KCNMA1: variants seen among roughly 807,000 people sequenced by gnomAD.
The protein encoded by KCNMA1 is potassium calcium-activated channel subfamily M alpha 1, also known as Calcium-activated potassium channel subunit alpha-1.
In KCNMA1, 29 loss-of-function variants were observed where a neutral mutation model predicts 140.0. The ratio of observed to expected loss-of-function variants is 0.21; its 90% CI spans 0.15 to 0.28. KCNMA1 has a LOEUF of 0.28. Among genes scored for constraint, KCNMA1 ranks in the 10% least tolerant of loss-of-function variants. The pLI is 1.00. For synonymous variants in KCNMA1, 612 were observed against 611.9 expected (o/e 1.00, Z 0.00); for missense variants, 880 against 1,602.2 (o/e 0.55, Z 7.70).
At chr10:76,880,880 G>A (rs1233346669), downstream of KCNMA1, among the ~76,000 whole-genome samples, 1 of 152,170 alleles carries the variant, frequency 6.6e-6, no homozygotes, top group African/African-American at 2.4e-5. Context: ...GATGAGAAGG[G>A]CAATTGATCG....
chr10:77,301,203 G>T (rs780961809), intron 2 of KCNMA1, among the ~76,000 whole-genome samples: 2 of 152,150 alleles, frequency 1.3e-5, no homozygotes, highest in African/African-American at 2.4e-5. Flanking sequence ...CTGAGATAAA[G>T]AAAAAGACCT....
intron 19 of KCNMA1, chr10:76,980,540 C>T (rs1198286890): frequency 6.6e-6 from 1 of 152,190 alleles, no homozygotes; most frequent in Non-Finnish European, 1.5e-5. Context: ...TGCTGATACA[C>T]AGGATTTCAC....
At chr10:77,591,059 C>T (rs2078994468) in intron 1 of KCNMA1, among the ~76,000 whole-genome samples, 1 of 152,190 alleles carries the variant, frequency 6.6e-6, no homozygotes, top group African/African-American at 2.4e-5. Context: ...AAGGCCCAGG[C>T]AGATAAACAC....
At chr10:77,411,250 G>C (rs1397437947) in intron 1 of KCNMA1, among the ~76,000 whole-genome samples, 1 of 152,034 alleles carries the variant, frequency 6.6e-6, no homozygotes, top group East Asian at 1.9e-4. Flanking sequence ...ATCCCTGTGA[G>C]CTCAGAGTAA....
intron 1 of KCNMA1, among the ~76,000 whole-genome samples, chr10:77,445,095 G>A (rs1241772341): frequency 6.6e-6 from 1 of 152,148 alleles, no homozygotes; most frequent in Non-Finnish European, 1.5e-5. Flanking sequence ...CCAACGGCAA[G>A]GACCACCCAG....
intron 1 of KCNMA1, among the ~76,000 whole-genome samples, chr10:77,613,397 C>T: frequency 6.6e-6 from 1 of 152,158 alleles, no homozygotes; most frequent in East Asian, 1.9e-4. Context: ...TTAAAGAACT[C>T]AAAGCTTATC....
At chr10:77,495,320 C>A (rs985043173) in intron 1 of KCNMA1, among the ~76,000 whole-genome samples, 1 of 152,174 alleles carries the variant, frequency 6.6e-6, no homozygotes, top group Non-Finnish European at 1.5e-5. Context: ...TGTGATGGGC[C>A]CCTTGCCGGC....
At chr10:77,437,257 G>A (rs1194465115) in intron 1 of KCNMA1, among the ~76,000 whole-genome samples, 1 of 152,134 alleles carries the variant, frequency 6.6e-6, no homozygotes, top group Non-Finnish European at 1.5e-5. Context: ...AGGTGGGAAA[G>A]GATGGAGGGT....
In KCNMA1 at chr10:77,476,452, G is replaced by A. The variant is rs1185566524; in HGVS notation, c.379-72429C>T. ...TGCAAGCCCAGCATTGGTGCTTCCCGCTCCCTAAGCCCTCTTCCCTCTGCT... is the reference window on the plus strand; with the variant it reads ...TGCAAGCCCAGCATTGGTGCTTCCCACTCCCTAAGCCCTCTTCCCTCTGCT... On this transcript the variant is annotated intron_variant, in intron 1 of 27. Transcript: ENST00000286628. Among the ~76,000 whole-genome samples the A allele has an allele frequency of 2.0e-5, 3 of 151,922 alleles. No individual in the cohort carries two copies. In the East Asian group the frequency reaches 5.8e-4, roughly 29 times the overall value.
At chr10:77,056,117 G>A (rs567105725) in intron 14 of KCNMA1, among the ~76,000 whole-genome samples, 10 of 152,282 alleles carry the variant, frequency 6.6e-5, no homozygotes, top group South Asian at 2.1e-4. Flanking sequence ...GCAGTGCCTC[G>A]TGTCTGTAAT....
chr10:77,382,279 G>A (rs2095417077), intron 2 of KCNMA1, among the ~76,000 whole-genome samples: 1 of 152,150 alleles, frequency 6.6e-6, no homozygotes, highest in African/African-American at 2.4e-5. Context: ...GGTGATCCTT[G>A]TTCAACTCCT....
chr10:77,035,520 G>A (rs2094266227), intron 15 of KCNMA1, among the ~76,000 whole-genome samples: 1 of 152,126 alleles, frequency 6.6e-6, no homozygotes, highest in Non-Finnish European at 1.5e-5. Context: ...GGCATTTGTT[G>A]GCATTTGTAA....
At chr10:77,179,222 C>T (rs2098781570) in intron 5 of KCNMA1, among the ~76,000 whole-genome samples, 1 of 152,204 alleles carries the variant, frequency 6.6e-6, no homozygotes, top group African/African-American at 2.4e-5. Flanking sequence ...AATGCTCATG[C>T]TGAGCGACCC....
Position 76,891,459 on chromosome 10 carries a change from C to T in KCNMA1, c.3342+66G>A, listed in dbSNP as rs1228002041. 25 of 1,268,572 alleles carry T rather than the reference C, an allele frequency of 2.0e-5. No individual in the cohort carries two copies. In the Admixed American group the frequency reaches 3.9e-4, roughly 20 times the overall value. The allele number at this position is 1,268,572 out of a possible 1,614,324, so 78.6% of individuals were successfully genotyped here. ...ATGCCTAGCTTGTCACATCTGATAC[C>T]ACGTTCTTCAGGATCAAGCTTTTCC... On this transcript the variant is annotated intron_variant, in intron 26 of 27. Transcript: ENST00000286628.
intron 18 of KCNMA1, among the ~76,000 whole-genome samples, chr10:77,002,061 C>G (rs1170900999): frequency 3.3e-5 from 5 of 152,268 alleles, no homozygotes; most frequent in African/African-American, 1.2e-4. Flanking sequence ...TTCTAATTTC[C>G]ATCCATTTCT....
intron 26 of KCNMA1, chr10:76,889,808 C>T: frequency 9.0e-6 from 5 of 556,460 alleles, no homozygotes; most frequent in South Asian, 5.9e-5. Context: ...TCCAGTTTTC[C>T]ACCTGTCGCA....
intron 2 of KCNMA1, among the ~76,000 whole-genome samples, chr10:77,270,329 A>C (rs1175040006): frequency 1.3e-5 from 2 of 152,156 alleles, no homozygotes; most frequent in Non-Finnish European, 2.9e-5. Context: ...AAAACCCAAG[A>C]AATAGTGGTG....
chr10:77,228,635 A>G (rs1456424182), intron 3 of KCNMA1, among the ~76,000 whole-genome samples: 1 of 152,228 alleles, frequency 6.6e-6, no homozygotes, highest in African/African-American at 2.4e-5. Context: ...CATAACAAAT[A>G]TCAATTTGAA....
chr10:77,113,719 C>T (rs999793791), intron 6 of KCNMA1, among the ~76,000 whole-genome samples: 5 of 152,146 alleles, frequency 3.3e-5, no homozygotes, highest in Non-Finnish European at 7.3e-5. Context: ...CCGCCTTGGC[C>T]TCCCAAAGTG....
Sources: gnomAD v4.1 joint callset for allele counts (sites outside exome capture counted in the v4.1 genomes callset) on GRCh38, gnomAD v4.1.1 for gene constraint, MANE v1.5 for transcripts, NCBI Gene and HGNC (gene_info 2026-07-23, HGNC 2026-07-21) for gene names.